The following RYK variants were observed in gnomAD, a reference collection of about 807,000 sequenced individuals.
RYK encodes the protein receptor like tyrosine kinase.
In RYK, 21 loss-of-function variants were observed where a neutral mutation model predicts 70.2. That is an observed-to-expected ratio of 0.30 (90% CI 0.21 to 0.43). The LOEUF (loss-of-function observed/expected upper bound fraction) is 0.43, where lower values mean the gene tolerates loss of function less well. Ranked by LOEUF, RYK falls within the 20% of genes least tolerant of loss-of-function variation. The probability of loss-of-function intolerance (pLI) is 1.00; values close to 1 mark genes in which losing one functional copy is unlikely to be tolerated. For missense variants in RYK, 604 were observed against 753.3 expected, an observed-to-expected ratio of 0.80 and a Z score of 2.32; for synonymous variants, 267 against 278.0, an observed-to-expected ratio of 0.96 and a Z score of 0.39.
Position 134,191,927 on chromosome 3 carries a change from G to C in RYK, c.937C>G (p.Leu313Val), listed in dbSNP as rs775554119. 38 of 1,613,402 alleles carry C rather than the reference G, an allele frequency of 2.4e-5. No individual in the cohort carries two copies. The highest frequency in any genetic ancestry group is 3.4e-6 in the Non-Finnish European group (4 of 1,179,652). The change falls in exon 8 of 15, where the codon CTT becomes GTT. Residue 313 changes from leucine (L) to valine (V), a missense_variant. Around this residue, in one of 2 missense-constraint regions of RYK, gnomAD observed 466 missense variants for 535.9 expected, o/e 0.87. Transcript: ENST00000623711. ...IEKNDLRSVTLLEAKGKVKDI... is the reference protein window; with the variant it reads ...IEKNDLRSVTVLEAKGKVKDI... ...TTCACCTTGCCTTTGGCCTCCAAAA[G>C]AGTGACACTTCTCAAGTCGTTCTTC...
chr3:134,163,782 G>T (rs2012563250), intron 13 of RYK, among the ~76,000 whole-genome samples: 1 of 152,076 alleles, frequency 6.6e-6, no homozygotes, highest in African/African-American at 2.4e-5. Flanking sequence ...ATCATCAGGT[G>T]GTCCATGGCT....
chr3:134,227,895 G>C (rs546500894), intron 1 of RYK, among the ~76,000 whole-genome samples: 104 of 152,208 alleles, frequency 6.8e-4, no homozygotes, highest in Middle Eastern at 3.4e-3. Context: ...GGATAGTCTC[G>C]ATCTCCTGAC....
At chr3:134,169,548 T>TA (rs1302350709) in intron 13 of RYK, among the ~76,000 whole-genome samples, 32 of 152,348 alleles carry the variant, frequency 2.1e-4, no homozygotes, top group Non-Finnish European at 4.0e-4. Context: ...TTGATGTGCA[T>TA]AGTTCTTAAG....
intron 2 of RYK, among the ~76,000 whole-genome samples, chr3:134,214,209 G>A (rs2014486824): frequency 1.3e-5 from 2 of 152,100 alleles, no homozygotes; most frequent in African/African-American, 2.4e-5. Flanking sequence ...TGTTCTCCCT[G>A]GCTTCAATAT....
At chr3:134,235,824 T>A (rs2015185576) in intron 1 of RYK, among the ~76,000 whole-genome samples, 1 of 152,102 alleles carries the variant, frequency 6.6e-6, no homozygotes, top group Admixed American at 6.5e-5. Flanking sequence ...TATTCAGTAA[T>A]GCTTTAAGGA....
intron 1 of RYK, among the ~76,000 whole-genome samples, chr3:134,232,348 CT>C (rs1324882745): frequency 6.6e-6 from 1 of 152,166 alleles, no homozygotes. Flanking sequence ...CACTCCTCTA[CT>C]TCCTGTCCTC....
intron 1 of RYK, among the ~76,000 whole-genome samples, chr3:134,245,480 AAT>A (rs2015441076): frequency 1.3e-5 from 2 of 152,162 alleles, no homozygotes; most frequent in South Asian, 4.1e-4. Context: ...TACTTGAAGG[AAT>A]GGTCACTGCC....
intron 4 of RYK, among the ~76,000 whole-genome samples, chr3:134,208,177 AG>A (rs1408918056): frequency 6.6e-6 from 1 of 152,242 alleles, no homozygotes; most frequent in African/African-American, 2.4e-5. Flanking sequence ...AAGAAAATGG[AG>A]AAAGTATGTG....
chr3:134,170,850 T>C (rs1252404233), intron 13 of RYK: 2 of 155,300 alleles, frequency 1.3e-5, no homozygotes, highest in East Asian at 1.8e-4. Context: ...GGCATCTCTA[T>C]TGGAGATGTG....
At chr3:134,187,843 A>C (rs1230673584) in intron 9 of RYK, among the ~76,000 whole-genome samples, 3 of 151,358 alleles carry the variant, frequency 2.0e-5, no homozygotes, top group African/African-American at 7.3e-5. Context: ...TACAATTGTG[A>C]GCCACTGCAC....
At chr3:134,202,481 A>G (rs144991912) in intron 6 of RYK, 217 of 410,700 alleles carry the variant, frequency 5.3e-4, no homozygotes, top group African/African-American at 4.0e-3. Flanking sequence ...AGGGAATAGA[A>G]AAAACTACTT....
chr3:134,243,378 C>A (rs114224299), intron 1 of RYK, among the ~76,000 whole-genome samples: 1 of 152,174 alleles, frequency 6.6e-6, no homozygotes, highest in African/African-American at 2.4e-5. Flanking sequence ...TATCTCATTT[C>A]CCAGATCCAG....
At chr3:134,235,151 A>G (rs559908842) in intron 1 of RYK, among the ~76,000 whole-genome samples, 14 of 152,282 alleles carry the variant, frequency 9.2e-5, no homozygotes, top group Admixed American at 6.5e-4. Context: ...GGCAAAACTG[A>G]ACATACACAT....
intron 2 of RYK, 135 bp downstream of exon 2, chr3:134,222,283 G>T: frequency 1.1e-6 from 1 of 896,242 alleles, no homozygotes; most frequent in Non-Finnish European, 1.7e-6. Flanking sequence ...ATATAAATCT[G>T]AAAAGACTCA....
At chr3:134,196,769 T>C (rs561472041) in intron 6 of RYK, among the ~76,000 whole-genome samples, 4 of 152,188 alleles carry the variant, frequency 2.6e-5, no homozygotes, top group Non-Finnish European at 5.9e-5. Context: ...TGGCTAATAA[T>C]ACAATATACT....
intron 2 of RYK, among the ~76,000 whole-genome samples, chr3:134,215,349 A>C (rs527523816): frequency 6.6e-6 from 1 of 152,310 alleles, no homozygotes; most frequent in Non-Finnish European, 1.5e-5. Context: ...AGAGGTGCAA[A>C]GGGCTGAGGA....
intron 1 of RYK, among the ~76,000 whole-genome samples, chr3:134,223,014 T>G (rs1200102608): frequency 6.6e-6 from 1 of 152,188 alleles, no homozygotes; most frequent in Non-Finnish European, 1.5e-5. Context: ...CCACCTCCTC[T>G]GACAACACAA....
intron 13 of RYK, among the ~76,000 whole-genome samples, chr3:134,171,568 T>C (rs1305762827): frequency 2.0e-5 from 3 of 152,116 alleles, no homozygotes; most frequent in Non-Finnish European, 4.4e-5. Flanking sequence ...AATAAATACG[T>C]TAAATTAAGT....
At position 134,157,855 on chromosome 3, in the gene RYK, GTTTA is replaced by G. The variant is rs1304302922; in HGVS notation, c.*294_*297del. 2.6e-5 allele frequency: 6 copies of G among 231,252 alleles called. No individual in the cohort carries two copies. The highest frequency in any genetic ancestry group is 1.3e-3 in the Middle Eastern group (1 of 744). The allele number at this position is 231,252 out of a possible 1,614,324, so 14.3% of individuals were successfully genotyped here. ...CTGTGTCTAAACAATTTTAAAAACT[GTTTA>G]TTTATTTTGTAAGAATGTACCCCTA... is the stretch of plus-strand genomic sequence containing the variant. On this transcript the variant is annotated 3_prime_UTR_variant, in exon 15 of 15. Coordinates refer to ENST00000623711, the MANE Select transcript of RYK (RefSeq NM_002958.4).
Sources: allele counts gnomAD v4.1 joint callset (sites outside exome capture counted in the v4.1 genomes callset), GRCh38; gene constraint gnomAD v4.1.1; regional missense constraint gnomAD v4.1.1; transcripts MANE v1.5; gene names NCBI Gene and HGNC (gene_info 2026-07-23, HGNC 2026-07-21).